The following ZNF320 variants were observed in gnomAD, a reference collection of about 807,000 sequenced individuals.
ZNF320 encodes zinc finger gene 320.
A neutral mutation model predicts 6.8 loss-of-function variants in ZNF320; 2 were observed. The ratio of observed to expected loss-of-function variants is 0.29; its 90% CI spans 0.12 to 0.93. The LOEUF (loss-of-function observed/expected upper bound fraction) is 0.93, where lower values mean the gene tolerates loss of function less well. ZNF320 is among the 40% of genes least tolerant of loss of function. The pLI is 0.55. For synonymous variants in ZNF320, 208 were observed against 203.2 expected, an observed-to-expected ratio of 1.02 and a Z score of -0.20; for missense variants, 472 against 611.0, an observed-to-expected ratio of 0.77 and a Z score of 2.40.
chr19:52,860,472 G>A (rs1294615132), downstream of ZNF320, among the ~76,000 whole-genome samples: 10 of 151,692 alleles, frequency 6.6e-5, no homozygotes, highest in Non-Finnish European at 1.5e-4. Flanking sequence ...GGGGGCACAT[G>A]TCTGTAATCC....
rs1317347918 is a variant in ZNF320, at chr19:52,881,628, A to G, written c.498T>C (p.Cys166=). The G allele has an allele frequency of 5.0e-6, 8 of 1,613,988 alleles. No homozygotes were observed. The African/African-American group carries it at 6.7e-5, about 13-fold the overall frequency. The change falls in exon 6 of 6, where the codon TGT becomes TGC. Residue 166 remains cysteine, a synonymous_variant. Coordinates refer to ENST00000682928, the MANE Select transcript of ZNF320 (RefSeq NM_001351774.2). ...TGEKPYKCEE[C]EKVFSCKSHL... ...GTGATTTGCAACTGAAAACTTTCTC[A>G]CATTCTTCACATTTGTAAGGTTTCT...
At chr19:52,883,327 TG>T (rs1355922975) in intron 5 of ZNF320, among the ~76,000 whole-genome samples, 1 of 152,176 alleles carries the variant, frequency 6.6e-6, no homozygotes, top group Non-Finnish European at 1.5e-5. Flanking sequence ...CCCAAAGTCC[TG>T]GGATTACAGG....
chr19:52,865,886 C>CAT (rs1248580965), intron 5 of ZNF320, among the ~76,000 whole-genome samples: 6 of 122,656 alleles, frequency 4.9e-5, no homozygotes, highest in African/African-American at 2.0e-4. Context: ...ATATATTATA[C>CAT]ATATATTTAT....
chr19:52,863,896 G>A (rs2063502230), exon 6 of ZNF320: 2 of 314,096 alleles, frequency 6.4e-6, no homozygotes, highest in Admixed American at 3.9e-5. Context: ...TGCTGGGCAT[G>A]GTGGCACGTG....
Position 52,864,967 on chromosome 19 carries a change from C to T in ZNF320, c.224-808G>A, listed in dbSNP as rs545168945. On this transcript the variant is annotated intron_variant, in intron 5 of 5. Coordinates refer to the ZNF320 transcript ENST00000673631. ...GGTAGAGCTTGCAGTGAGCCGAGATCGGGCCACTACACGCCAGCCTGGGTG... is the reference window on the plus strand; with the variant it reads ...GGTAGAGCTTGCAGTGAGCCGAGATTGGGCCACTACACGCCAGCCTGGGTG... Among the ~76,000 whole-genome samples, 360 of 151,920 alleles carry T rather than the reference C, an allele frequency of 2.4e-3. 2 individuals carry two copies. Among genetic ancestry groups the T allele is most frequent in the African/African-American group, 7.9e-3 (326 of 41,406 alleles).
At chr19:52,901,914 AT>A (rs34240773), upstream of ZNF320, among the ~76,000 whole-genome samples, 73,330 of 147,798 alleles carry the variant, frequency 0.5, 18,283 homozygotes, top group Non-Finnish European at 0.55. Flanking sequence ...TTCAACTGCC[AT>A]TTTTTTTTTT....
the ZNF320 span, among the ~76,000 whole-genome samples, chr19:52,902,824 G>A: frequency 6.6e-6 from 1 of 152,128 alleles, no homozygotes; most frequent in African/African-American, 2.4e-5. Context: ...TTGTTAAAGA[G>A]CAGGTTGATG....
At chr19:52,882,557 G>T (rs2063955008) in intron 5 of ZNF320, among the ~76,000 whole-genome samples, 1 of 152,168 alleles carries the variant, frequency 6.6e-6, no homozygotes, top group South Asian at 2.1e-4. Flanking sequence ...TTAGGCACAA[G>T]AATTGATTTA....
upstream of ZNF320, among the ~76,000 whole-genome samples, chr19:52,898,505 G>C (rs2064537768): frequency 1.3e-5 from 2 of 152,190 alleles, no homozygotes; most frequent in African/African-American, 4.8e-5. Flanking sequence ...TTTAAAAAAA[G>C]CATTGACATT....
At chr19:52,886,724 T>C (rs1385482102) in intron 5 of ZNF320, among the ~76,000 whole-genome samples, 1 of 152,054 alleles carries the variant, frequency 6.6e-6, no homozygotes, top group East Asian at 1.9e-4. Context: ...TCACTTGAGA[T>C]AAGGAGTTTG....
upstream of ZNF320, among the ~76,000 whole-genome samples, chr19:52,898,169 CACAGA>C (rs1340999220): frequency 7.9e-5 from 12 of 152,310 alleles, no homozygotes; most frequent in African/African-American, 2.6e-4. Context: ...GCTGACGGCC[CACAGA>C]ACAGAATAGC....
In ZNF320 at chr19:52,881,034, C is replaced by T; in HGVS notation, c.1092G>A (p.Lys364=). 6.2e-7 allele frequency: 1 copy of T among 1,613,768 alleles called. No homozygotes were observed. The highest frequency in any genetic ancestry group is 8.5e-7 in the Non-Finnish European group (1 of 1,179,960). ...EKPYKCKVCD[K]AFRSDSRLAE... ...CAAGACGTGAATCACTCCGGAAAGC[C>T]TTGTCACAAACCTTACATTTGTATG... is the stretch of plus-strand genomic sequence containing the variant. Residue 364 remains lysine, a synonymous_variant, in exon 6 of 6, where the codon AAG becomes AAA. Transcript: ENST00000682928.
At chr19:52,875,549 T>G (rs918807461), downstream of ZNF320, among the ~76,000 whole-genome samples, 3 of 152,158 alleles carry the variant, frequency 2.0e-5, no homozygotes, top group African/African-American at 7.2e-5. Context: ...AGCAGTACCC[T>G]CTCCTAAAGG....
chr19:52,881,502 A>C lies in ZNF320; in HGVS notation c.624T>G (p.Thr208=). ...AATGTTTGTCTCCCCTGTGAATTCT[A>C]GTATGTTTTGCCAGGTGTGAATCAT... The part of the protein sequence containing the change: ...FKHDSHLAKH[T]RIHRGDKHYT... The change falls in exon 6 of 6, where the codon ACT becomes ACG. Residue 208 remains threonine (T), a synonymous_variant. Transcript: ENST00000682928. 6.2e-7 allele frequency: 1 copy of C among 1,613,972 alleles called. No homozygotes were observed. The highest frequency in any genetic ancestry group is 8.5e-7 in the Non-Finnish European group (1 of 1,179,986).
Position 52,881,513 on chromosome 19 carries a change from C to A in ZNF320, c.613G>T (p.Ala205Ser). Residue 205 changes from alanine to serine, a missense_variant, in exon 6 of 6, where the codon GCA becomes TCA. By Grantham distance (99) the Ala-to-Ser change is moderately conservative (BLOSUM62 1). Around this residue, in one of 2 missense-constraint regions of ZNF320, gnomAD observed 462 missense variants for 559.7 expected, o/e 0.83. Coordinates refer to ENST00000682928, the MANE Select transcript of ZNF320 (RefSeq NM_001351774.2). ...DKAFKHDSHL[A>S]KHTRIHRGDK... is the part of the protein sequence containing the mutation. ...CCCCTGTGAATTCTAGTATGTTTTG[C>A]CAGGTGTGAATCATGCTTAAAAGCC... 1 of 1,614,030 alleles carries A rather than the reference C, an allele frequency of 6.2e-7. No individual in the cohort carries two copies. The highest frequency in any genetic ancestry group is 1.1e-5 in the South Asian group (1 of 91,084).
intron 5 of ZNF320, chr19:52,865,341 TG>T: frequency 3.2e-6 from 1 of 315,962 alleles, no homozygotes; most frequent in Non-Finnish European, 6.1e-6. Flanking sequence ...ATATATGGTC[TG>T]GAGGGACATT....
In ZNF320 at chr19:52,884,864, A is replaced by G. The variant is rs377725064; in HGVS notation, c.143-2881T>C. ...TAAACAAAGGATGTTTAGGGTCTCT[A>G]CTATAAATCTTGCAATACTTGAAGC... On this transcript the variant is annotated intron_variant, in intron 5 of 5. Coordinates refer to ENST00000682928, the MANE Select transcript of ZNF320 (RefSeq NM_001351774.2). 5.9e-5 allele frequency among the ~76,000 whole-genome samples: 9 copies of G among 152,256 alleles called. No individual in the cohort carries two copies. In the South Asian group the frequency reaches 1.5e-3, roughly 25 times the overall value.
Position 52,880,984 on chromosome 19 carries a change from C to G in ZNF320, c.1142G>C (p.Gly381Ala). ...RLAEHQRVHT[G>A]ERPYTCNECG... The stretch of plus-strand genomic sequence containing the variant: ...TTCATTACATGTGTAAGGTCTCTCT[C>G]CAGTATGAACTCTCTGATGTTCTGC... Residue 381 changes from glycine to alanine, a missense_variant, in exon 6 of 6, where the codon GGA (glycine) becomes GCA (alanine). Around this residue, in one of 2 missense-constraint regions of ZNF320, gnomAD observed 462 missense variants for 559.7 expected, o/e 0.83. Coordinates refer to ENST00000682928, the MANE Select transcript of ZNF320 (RefSeq NM_001351774.2). The G allele has an allele frequency of 6.2e-7, 1 of 1,613,938 alleles. No individual in the cohort carries two copies. The highest frequency in any genetic ancestry group is 8.5e-7 in the Non-Finnish European group (1 of 1,179,976).
At chr19:52,869,918 G>A (rs981202931) in intron 5 of ZNF320, among the ~76,000 whole-genome samples, 1 of 151,546 alleles carries the variant, frequency 6.6e-6, no homozygotes, top group Non-Finnish European at 1.5e-5. Context: ...GGGTTTCACC[G>A]TGTTAGCCAG....
Sources: gnomAD v4.1 joint callset for allele counts (sites outside exome capture counted in the v4.1 genomes callset) on GRCh38, gnomAD v4.1.1 for gene constraint, gnomAD v4.1.1 regional missense constraint, MANE v1.5 for transcripts, NCBI Gene and HGNC (gene_info 2026-07-23, HGNC 2026-07-21) for gene names.